The following GRIP1 variants were observed in gnomAD, a reference collection of about 807,000 sequenced individuals.
GRIP1 encodes glutamate receptor interacting protein 1.
In GRIP1, 45 loss-of-function variants were observed where a neutral mutation model predicts 129.9. The observed-to-expected ratio is 0.35, with a 90% CI of 0.27 to 0.44. The LOEUF (loss-of-function observed/expected upper bound fraction) is 0.44. Ranked by LOEUF, GRIP1 falls within the 20% of genes least tolerant of loss-of-function variation. The pLI is 1.00. For missense variants in GRIP1, 1,196 were observed against 1,396.8 expected (o/e 0.86, Z 2.29); for synonymous variants, 530 against 520.8 (o/e 1.02, Z -0.24).
chr12:66,965,867 C>T (rs774794728), intron 1 of GRIP1, among the ~76,000 whole-genome samples: 1 of 152,134 alleles, frequency 6.6e-6, no homozygotes, highest in Middle Eastern at 3.2e-3. Flanking sequence ...GTTTGGATGA[C>T]ACTATTGCAA....
intron 1 of GRIP1, among the ~76,000 whole-genome samples, chr12:66,982,637 C>T (rs779856498): frequency 1.7e-4 from 26 of 152,106 alleles, no homozygotes; most frequent in East Asian, 5.8e-4. Context: ...AGTCCAACAA[C>T]GCTTTAGAAA....
intron 1 of GRIP1, among the ~76,000 whole-genome samples, chr12:66,965,157 T>G (rs1346949429): frequency 6.6e-6 from 1 of 152,046 alleles, no homozygotes. Flanking sequence ...TTACCAATCT[T>G]TTTTTTGCCT....
intron 2 of GRIP1, among the ~76,000 whole-genome samples, chr12:66,547,166 C>A (rs1477192527): frequency 6.6e-6 from 1 of 152,034 alleles, no homozygotes; most frequent in Non-Finnish European, 1.5e-5. Flanking sequence ...CGAAAAAATG[C>A]TCAACATTTT....
At chr12:66,610,782 G>A (rs553756906) in intron 1 of GRIP1, among the ~76,000 whole-genome samples, 1 of 152,200 alleles carries the variant, frequency 6.6e-6, no homozygotes, top group African/African-American at 2.4e-5. Context: ...GTTTATCTCA[G>A]GGGTCAAAAG....
At chr12:66,357,886 T>G (rs1239197269) in intron 23 of GRIP1, among the ~76,000 whole-genome samples, 1 of 152,216 alleles carries the variant, frequency 6.6e-6, no homozygotes, top group Non-Finnish European at 1.5e-5. Context: ...TTTTGATATA[T>G]TCAATGCATT....
intron 1 of GRIP1, among the ~76,000 whole-genome samples, chr12:66,930,209 A>C (rs1592357650): frequency 7.1e-6 from 1 of 140,136 alleles, no homozygotes; most frequent in African/African-American, 2.6e-5. Context: ...GCACCCACTA[A>C]CTCGTCATCT....
At chr12:66,650,178 A>G (rs2032690043) in intron 1 of GRIP1, among the ~76,000 whole-genome samples, 1 of 152,160 alleles carries the variant, frequency 6.6e-6, no homozygotes, top group Non-Finnish European at 1.5e-5. Context: ...CCACCTGTGC[A>G]GTTCTCAGAA....
intron 1 of GRIP1, among the ~76,000 whole-genome samples, chr12:66,801,712 C>G (rs1465823583): frequency 6.6e-6 from 1 of 152,022 alleles, no homozygotes; most frequent in East Asian, 1.9e-4. Flanking sequence ...TTGTGGCAAT[C>G]TTCTCTAAAG....
chr12:66,625,549 A>AT (rs1049349425), intron 1 of GRIP1, among the ~76,000 whole-genome samples: 2 of 152,180 alleles, frequency 1.3e-5, no homozygotes, highest in African/African-American at 2.4e-5. Flanking sequence ...AGTATAAGTG[A>AT]TTTTTTATTG....
chr12:66,711,454 G>A (rs1297073193), intron 1 of GRIP1, among the ~76,000 whole-genome samples: 1 of 151,708 alleles, frequency 6.6e-6, no homozygotes, highest in East Asian at 1.9e-4. Flanking sequence ...TCTCACCATA[G>A]ATCACAAAAG....
At chr12:66,574,457 A>G (rs1275750826) in intron 2 of GRIP1, among the ~76,000 whole-genome samples, 1 of 152,232 alleles carries the variant, frequency 6.6e-6, no homozygotes, top group Non-Finnish European at 1.5e-5. Context: ...TTTCACCTAA[A>G]TTGGATTGAA....
chr12:66,909,732 G>C (rs2137306643), intron 1 of GRIP1, among the ~76,000 whole-genome samples: 1 of 152,152 alleles, frequency 6.6e-6, no homozygotes, highest in Middle Eastern at 3.4e-3. Flanking sequence ...ACATCTTTTG[G>C]CTCCTTTTCT....
At chr12:66,808,295 TTTTG>T (rs1254771248), upstream of GRIP1, among the ~76,000 whole-genome samples, 2 of 152,032 alleles carry the variant, frequency 1.3e-5, no homozygotes, top group Non-Finnish European at 2.9e-5. Flanking sequence ...GTTCTTGGTT[TTTTG>T]TTTTTTTGTT....
intron 1 of GRIP1, among the ~76,000 whole-genome samples, chr12:66,995,075 G>C (rs1224164720): frequency 6.6e-6 from 1 of 151,632 alleles, no homozygotes; most frequent in African/African-American, 2.4e-5. Flanking sequence ...TAAGGATGCC[G>C]AGACATCTCA....
chr12:66,597,014 A>C, intron 1 of GRIP1, 87 bp from the exon 2 acceptor site: 1 of 905,236 alleles, frequency 1.1e-6, no homozygotes. Flanking sequence ...TCCTTCTGCG[A>C]GAGAGAAGTG....
At chr12:66,751,357 A>G (rs1270929146) in intron 1 of GRIP1, among the ~76,000 whole-genome samples, 1 of 152,204 alleles carries the variant, frequency 6.6e-6, no homozygotes, top group Non-Finnish European at 1.5e-5. Flanking sequence ...GGATGCTCAA[A>G]GTACAGGCAG....
intron 1 of GRIP1, among the ~76,000 whole-genome samples, chr12:66,659,914 A>ACGCAT (rs904784577): frequency 6.6e-6 from 1 of 152,164 alleles, no homozygotes; most frequent in African/African-American, 2.4e-5. Context: ...AACTCCCAAA[A>ACGCAT]CGCATAGAGT....
chr12:66,776,019 G>T (rs1196886071), intron 1 of GRIP1, among the ~76,000 whole-genome samples: 1 of 152,170 alleles, frequency 6.6e-6, no homozygotes, highest in Non-Finnish European at 1.5e-5. Flanking sequence ...GCTAGGAAAG[G>T]CTGCTCAGAC....
chr12:66,524,201 C>T (rs1250130467), intron 5 of GRIP1, among the ~76,000 whole-genome samples: 1 of 152,162 alleles, frequency 6.6e-6, no homozygotes, highest in Non-Finnish European at 1.5e-5. Context: ...ACAGAACTCT[C>T]CACCCCAAAT....
Sources: gnomAD v4.1 joint callset for allele counts (sites outside exome capture counted in the v4.1 genomes callset) on GRCh38, gnomAD v4.1.1 for gene constraint, MANE v1.5 for transcripts, NCBI Gene and HGNC (gene_info 2026-07-23, HGNC 2026-07-21) for gene names.